Variants in PHACTR4 observed in about 807,000 individuals in gnomAD.
PHACTR4 encodes protein phosphatase 1, regulatory subunit 124.
Under a neutral mutation model 72.7 loss-of-function variants are expected in PHACTR4, and 51 were observed. That is an observed-to-expected ratio of 0.70 (90% CI 0.56 to 0.89). The LOEUF is 0.89. Among genes scored for constraint, PHACTR4 ranks in the 40% least tolerant of loss-of-function variants. PHACTR4 has a pLI of 0.00. For synonymous variants in PHACTR4, 255 were observed against 302.5 expected (o/e 0.84, Z 1.63); for missense variants, 731 against 861.8 (o/e 0.85, Z 1.90).
intron 1 of PHACTR4, among the ~76,000 whole-genome samples, chr1:28,406,583 G>A (rs1040043494): frequency 1.9e-4 from 29 of 152,184 alleles, no homozygotes; most frequent in African/African-American, 6.0e-4. Context: ...CACTGCGCCC[G>A]GCCCTACAAC....
chr1:28,401,804 G>A (rs1314892905), intron 1 of PHACTR4, among the ~76,000 whole-genome samples: 1 of 152,084 alleles, frequency 6.6e-6, no homozygotes, highest in Non-Finnish European at 1.5e-5. Context: ...TTACTATGTT[G>A]CCCAAGCTGG....
chr1:28,408,786 T>C (rs1654556769), intron 2 of PHACTR4, among the ~76,000 whole-genome samples: 1 of 151,242 alleles, frequency 6.6e-6, no homozygotes, highest in Non-Finnish European at 1.5e-5. Flanking sequence ...GGCAATCCTT[T>C]CAACTCAGCC....
intron 2 of PHACTR4, among the ~76,000 whole-genome samples, chr1:28,419,203 C>A (rs1349067638): frequency 1.3e-5 from 2 of 150,814 alleles, no homozygotes; most frequent in Non-Finnish European, 2.9e-5. Context: ...AGGCTGGTCT[C>A]GAACTCCTGA....
intron 1 of PHACTR4, among the ~76,000 whole-genome samples, chr1:28,392,957 A>T (rs1226709213): frequency 6.6e-6 from 1 of 152,210 alleles, no homozygotes; most frequent in East Asian, 1.9e-4. Flanking sequence ...TTCCTAGTGA[A>T]GATGGAAAAG....
intron 2 of PHACTR4, among the ~76,000 whole-genome samples, chr1:28,413,293 A>G (rs533233714): frequency 6.6e-6 from 1 of 152,270 alleles, no homozygotes; most frequent in Admixed American, 6.5e-5. Flanking sequence ...AGCAGCAGAG[A>G]TATTGGTGAT....
intron 2 of PHACTR4, among the ~76,000 whole-genome samples, chr1:28,412,688 G>A (rs956696348): frequency 5.3e-5 from 8 of 152,116 alleles, no homozygotes; most frequent in African/African-American, 1.9e-4. Flanking sequence ...TAATTTTTTT[G>A]TATTCTTATG....
intron 10 of PHACTR4, among the ~76,000 whole-genome samples, chr1:28,489,548 TAAG>T (rs1405951421): frequency 1.3e-5 from 2 of 152,176 alleles, no homozygotes; most frequent in Non-Finnish European, 2.9e-5. Context: ...TTCAGGGAGC[TAAG>T]GAGGTAGCTG....
chr1:28,472,967 C>G (rs1349226016), intron 6 of PHACTR4, among the ~76,000 whole-genome samples: 1 of 151,284 alleles, frequency 6.6e-6, no homozygotes, highest in African/African-American at 2.4e-5. Flanking sequence ...ATTAACTACA[C>G]CAAGATCAAG....
chr1:28,487,751 T>TTTTTTTTA, intron 9 of PHACTR4, among the ~76,000 whole-genome samples: 1 of 143,688 alleles, frequency 7.0e-6, no homozygotes, highest in African/African-American at 2.6e-5. Context: ...TTTTTTTTTT[T>TTTTTTTTA]TTGAGATGGA....
At chr1:28,423,581 G>A (rs1655648427) in intron 2 of PHACTR4, among the ~76,000 whole-genome samples, 4 of 152,130 alleles carry the variant, frequency 2.6e-5, no homozygotes, top group African/African-American at 9.7e-5. Context: ...GAAAGACTAT[G>A]GCTAGAGAGT....
At chr1:28,488,913 C>G (rs1660870616) in intron 9 of PHACTR4, among the ~76,000 whole-genome samples, 1 of 152,156 alleles carries the variant, frequency 6.6e-6, no homozygotes, top group South Asian at 2.1e-4. Flanking sequence ...GTGCTAATAG[C>G]TCTTATCAAG....
chr1:28,430,362 A>G (rs972862861), intron 2 of PHACTR4, among the ~76,000 whole-genome samples: 3 of 152,254 alleles, frequency 2.0e-5, no homozygotes, highest in African/African-American at 7.2e-5. Context: ...GAATTTGCCA[A>G]ATATATCTAG....
At position 28,466,763 on chromosome 1, in the gene PHACTR4, T is replaced by C. The variant is rs1659202178; in HGVS notation, c.818T>C (p.Val273Ala). ...CCAGCTCACAGAAATAGCAACCCTGTCATTGGTAAGTAAGTCTTTAGGCTT... is the reference window on the plus strand; with the variant it reads ...CCAGCTCACAGAAATAGCAACCCTGCCATTGGTAAGTAAGTCTTTAGGCTT... ...PKPAHRNSNP[V>A]IAELSQAINS... Residue 273 changes from valine to alanine, a missense_variant, in exon 6 of 14, where the codon GTC becomes GCC. Physicochemically the swap from Val to Ala is moderately conservative, Grantham distance 64 (BLOSUM62 0). This residue lies in a region of PHACTR4 where 621 missense variants were observed against 676.6 expected (regional missense o/e 0.92). Coordinates refer to ENST00000373839, the MANE Select transcript of PHACTR4 (RefSeq NM_001048183.3). The C allele has an allele frequency of 9.3e-6, 15 of 1,608,804 alleles. No homozygotes were observed. The highest frequency in any genetic ancestry group is 1.0e-5 in the Non-Finnish European group (12 of 1,176,514).
chr1:28,465,196 C>T (rs1166968497), intron 4 of PHACTR4, among the ~76,000 whole-genome samples: 1 of 152,074 alleles, frequency 6.6e-6, no homozygotes, highest in Non-Finnish European at 1.5e-5. Flanking sequence ...GGCACGGTGG[C>T]TCACGCCTGT....
At chr1:28,447,447 T>C (rs946586792) in intron 2 of PHACTR4, among the ~76,000 whole-genome samples, 12 of 151,208 alleles carry the variant, frequency 7.9e-5, no homozygotes, top group Admixed American at 2.0e-4. Context: ...TGGAGTGCAG[T>C]GGCACGATCT....
At chr1:28,387,045 G>A (rs1379125234) in intron 1 of PHACTR4, among the ~76,000 whole-genome samples, 1 of 151,782 alleles carries the variant, frequency 6.6e-6, no homozygotes, top group East Asian at 2.0e-4. Flanking sequence ...GGTGGATCAC[G>A]AGGTCAAGAG....
chr1:28,473,854 C>T lies in PHACTR4; in HGVS notation c.1124C>T (p.Pro375Leu), dbSNP rs1273843083. 2 of 1,591,876 alleles carry T rather than the reference C, an allele frequency of 1.3e-6. No individual in the cohort carries two copies. Among genetic ancestry groups the T allele is most frequent in the East Asian group, 4.5e-5 (2 of 44,014 alleles). Reference protein sequence around the residue: ...TFQVVPEIEFPPSLDLHQEIP... With the variant: ...TFQVVPEIEFLPSLDLHQEIP... ...CAAGTTGTGCCAGAAATTGAGTTTC[C>T]ACCATCCTTAGATCTACACCAGGAG... is the stretch of plus-strand genomic sequence containing the variant. Residue 375 changes from proline to leucine, a missense_variant, in exon 7 of 14, where the codon CCA (proline) becomes CTA (leucine). Pro to Leu is a moderately conservative substitution (Grantham distance 98, BLOSUM62 -3). Transcript: ENST00000373839.
intron 1 of PHACTR4, among the ~76,000 whole-genome samples, chr1:28,379,536 A>C (rs1244478806): frequency 2.0e-5 from 3 of 151,348 alleles, no homozygotes; most frequent in Admixed American, 2.0e-4. Context: ...GGCCTGCCAG[A>C]GTGCTAGGAT....
chr1:28,468,939 T>TGGACTAAACTGC (rs948330630), intron 6 of PHACTR4, among the ~76,000 whole-genome samples: 1 of 152,206 alleles, frequency 6.6e-6, no homozygotes, highest in African/African-American at 2.4e-5. Flanking sequence ...TATGATACCC[T>TGGACTAAACTGC]GGACTAAACT....
Sources: gnomAD v4.1 joint callset for allele counts (sites outside exome capture counted in the v4.1 genomes callset) on GRCh38, gnomAD v4.1.1 for gene constraint, gnomAD v4.1.1 regional missense constraint, MANE v1.5 for transcripts, NCBI Gene and HGNC (gene_info 2026-07-23, HGNC 2026-07-21) for gene names.